Variants in PLEC observed in about 807,000 individuals in gnomAD.
PLEC encodes hemidesmosomal protein 1.
Under a neutral mutation model 392.8 loss-of-function variants are expected in PLEC, and 216 were observed. That is an observed-to-expected ratio of 0.55 (90% CI 0.49 to 0.62). PLEC has a LOEUF of 0.62. PLEC is among the 20% of genes least tolerant of loss of function. The pLI is 0.00. For missense variants in PLEC, 6,863 were observed against 6,563.4 expected (o/e 1.05, Z -1.58); for synonymous variants, 3,621 against 2,980.6 (o/e 1.21, Z -7.00).
At chr8:143,936,756 G>A (rs1348929447) in intron 5 of PLEC, among the ~76,000 whole-genome samples, 3 of 152,222 alleles carry the variant, frequency 2.0e-5, no homozygotes, top group African/African-American at 7.2e-5. Context: ...AGGGCCAGAG[G>A]GCACGGATAG....
At position 143,929,295 on chromosome 8, in the gene PLEC, G is replaced by A. The variant is rs781791786; in HGVS notation, c.3082-14C>T. Reference sequence around the variant, plus strand: ...TGCCTGTGCCTTCTGCAAAGACAGGGAGTGGGAACGCACTCATCACCGAGC... The same window carrying A: ...TGCCTGTGCCTTCTGCAAAGACAGGAAGTGGGAACGCACTCATCACCGAGC... On this transcript the variant is annotated splice_polypyrimidine_tract_variant and intron_variant, in intron 24 of 31. Coordinates refer to ENST00000345136, the MANE Select transcript of PLEC (RefSeq NM_201384.3). The A allele has an allele frequency of 1.9e-6, 3 of 1,599,098 alleles. No individual in the cohort carries two copies. Among genetic ancestry groups the A allele is most frequent in the Non-Finnish European group, 2.5e-6 (3 of 1,179,352 alleles).
chr8:143,956,095 G>A (rs1213339182), upstream of PLEC, among the ~76,000 whole-genome samples: 1 of 151,928 alleles, frequency 6.6e-6, no homozygotes, highest in Non-Finnish European at 1.5e-5. Context: ...CTACGGATGT[G>A]TGCCACCGCA....
chr8:143,975,395 G>T, upstream of PLEC: 1 of 1,596,544 alleles, frequency 6.3e-7, no homozygotes, highest in Non-Finnish European at 8.5e-7. The surrounding 1 kb of genome is among the most constrained non-coding windows in gnomAD (Gnocchi z 9.9). Context: ...GAGCAGGAGG[G>T]GTCACATCTC....
chr8:143,933,136 G>C, intron 13 of PLEC, 25 bp from the exon 14 acceptor site: 1 of 1,604,246 alleles, frequency 6.2e-7, no homozygotes. Flanking sequence ...GACTCAGGTA[G>C]GTGTTGGCGG....
chr8:143,969,421 T>C lies in PLEC; in HGVS notation c.70+3982A>G. 6.6e-6 allele frequency among the ~76,000 whole-genome samples: 1 copy of C among 152,228 alleles called. No individual in the cohort carries two copies. The highest frequency in any genetic ancestry group is 1.5e-5 in the Non-Finnish European group (1 of 68,036). Reference sequence around the variant, plus strand: ...TGGGAGAGGCCTCCGTGCTGAGGGCTGTGGGCTGGTGACTTAGACAGTCGG... The same window carrying C: ...TGGGAGAGGCCTCCGTGCTGAGGGCCGTGGGCTGGTGACTTAGACAGTCGG... On this transcript the variant is annotated intron_variant, in intron 1 of 31. Transcript: ENST00000356346. This position sits in a 1 kb window ranked among gnomAD's most constrained non-coding sequence, Gnocchi z 5.1.
chr8:143,928,103 A>C, intron 25 of PLEC, 111 bp from the exon 26 acceptor site: 1 of 1,348,824 alleles, frequency 7.4e-7, no homozygotes. Context: ...CCCAGACCCA[A>C]CCCTGGGGGT....
exon 1 of PLEC, chr8:143,950,684 G>C: frequency 2.5e-6 from 4 of 1,571,048 alleles, no homozygotes; most frequent in Non-Finnish European, 1.7e-6. Context: ...CTGGTCCCGT[G>C]GCATGAGCAT....
intron 3 of PLEC, among the ~76,000 whole-genome samples, 182 bp from the exon 4 acceptor site, chr8:143,937,424 G>A (rs1367647930): frequency 6.6e-6 from 1 of 152,192 alleles, no homozygotes; most frequent in Non-Finnish European, 1.5e-5. Flanking sequence ...GCCAGGCCAG[G>A]CCCATCAGGG....
Position 143,924,960 on chromosome 8 carries a change from G to A in PLEC, c.4969C>T (p.Leu1657=), listed in dbSNP as rs782048416. 67 of 1,580,500 alleles carry A rather than the reference G, an allele frequency of 4.2e-5. No individual in the cohort carries two copies. The highest frequency in any genetic ancestry group is 5.3e-5 in the Non-Finnish European group (62 of 1,171,618). ...QAEEVAQQKS[L]AQAEAEKQKE... The stretch of plus-strand genomic sequence containing the variant: ...TGCTTCTCAGCCTCGGCCTGCGCCA[G>A]GCTCTTCTGCTGCGCCACCTCCTCC... Residue 1657 remains leucine (L), a synonymous_variant, in exon 31 of 32, where the codon CTG becomes TTG. Coordinates refer to ENST00000345136, the MANE Select transcript of PLEC (RefSeq NM_201384.3).
Position 143,939,422 on chromosome 8 carries a change from G to A in PLEC, c.40C>T (p.Leu14=), listed in dbSNP as rs1554726699. 3 of 1,612,498 alleles carry A rather than the reference G, an allele frequency of 1.9e-6. No homozygotes were observed. Among genetic ancestry groups the A allele is most frequent in the Non-Finnish European group, 2.5e-6 (3 of 1,179,776 alleles). Residue 14 remains leucine, a synonymous_variant, in exon 1 of 32, where the codon CTG becomes TTG. Transcript: ENST00000345136. ...HQLRVPQPEG[L]GRKRTSSEDN... ...TCCGAGCTGGTTCTCTTTCGGCCCA[G>A]GCCCTCGGGCTGCGGCACGCGGAGC...
In PLEC at chr8:143,950,361, C is replaced by T. The variant is rs1258616356; in HGVS notation, c.346G>A (p.Val116Met). Residue 116 changes from valine (V) to methionine (M), a missense_variant, in exon 1 of 32, where the codon GTG becomes ATG. Val to Met is a conservative substitution (Grantham distance 21). Coordinates refer to the PLEC transcript ENST00000322810. ...CCCAGGGGACCCTGCACAGCCTGCA[C>T]GTGGGGGGTGCGGCGTGCGGGCATC... is the stretch of plus-strand genomic sequence containing the variant. The T allele has an allele frequency of 1.1e-5, 17 of 1,588,898 alleles. No homozygotes were observed. In the East Asian group the frequency reaches 1.1e-4, roughly 11 times the overall value.
At position 143,923,850 on chromosome 8, in the gene PLEC, G is replaced by A. The variant is rs368550010; in HGVS notation, c.6079C>T (p.Arg2027Ter). Reference sequence around the variant, plus strand: ...TGCCGCGCCGACTCCTGCTCCGCTCGCTCCCGCAGGCGCCGCGCCTCCTCC... The same window carrying A: ...TGCCGCGCCGACTCCTGCTCCGCTCACTCCCGCAGGCGCCGCGCCTCCTCC... ...KVEEARRLRE[R>*]AEQESARQLQ... is the part of the protein sequence containing the mutation. The change falls in exon 31 of 32, where the codon CGA becomes TGA. Residue 2027 changes from arginine to a stop codon, truncating the protein, a stop_gained. Coordinates refer to ENST00000345136, the MANE Select transcript of PLEC (RefSeq NM_201384.3). LOFTEE classifies it high-confidence loss of function. 3.8e-6 allele frequency: 6 copies of A among 1,589,212 alleles called. No homozygotes were observed. Among genetic ancestry groups the A allele is most frequent in the South Asian group, 1.1e-5 (1 of 89,742 alleles).
chr8:143,918,113 A>G lies in PLEC; in HGVS notation c.11708T>C (p.Met3903Thr), dbSNP rs1554674005. 4 of 1,598,550 alleles carry G rather than the reference A, an allele frequency of 2.5e-6. No individual in the cohort carries two copies. The highest frequency in any genetic ancestry group is 2.2e-5 in the East Asian group (1 of 44,702). Reference sequence around the variant, plus strand: ...CAGCTGCAGCGCCGTGGCCTCGTCCATGACCTGCGAGCGCACCAGCTCCTC... The same window carrying G: ...CAGCTGCAGCGCCGTGGCCTCGTCCGTGACCTGCGAGCGCACCAGCTCCTC... ...TMEELVRSQVMDEATALQLRE... is the reference protein window; with the variant it reads ...TMEELVRSQVTDEATALQLRE... Residue 3903 changes from methionine to threonine, a missense_variant, in exon 32 of 32, where the codon ATG (methionine) becomes ACG (threonine). Coordinates refer to ENST00000345136, the MANE Select transcript of PLEC (RefSeq NM_201384.3).
Position 143,923,365 on chromosome 8 carries a change from C to T in PLEC, c.6564G>A (p.Leu2188=), listed in dbSNP as rs782136303. The change falls in exon 31 of 32, where the codon CTG becomes CTA. Residue 2188 remains leucine (L), a synonymous_variant. Coordinates refer to ENST00000345136, the MANE Select transcript of PLEC (RefSeq NM_201384.3). ...LRQKAQVEQE[L]TTLRLQLEET... is the part of the protein sequence containing the mutation. ...CCTCCAGCTGCAGCCGCAGTGTTGT[C>T]AGCTCCTGCTCCACCTGCGCCTTCT... 1.1e-5 allele frequency: 18 copies of T among 1,610,444 alleles called. No homozygotes were observed. The highest frequency in any genetic ancestry group is 2.7e-5 in the African/African-American group (2 of 74,886).
intron 11 of PLEC, 102 bp from the exon 12 acceptor site, chr8:143,934,193 C>T: frequency 6.3e-7 from 1 of 1,588,584 alleles, no homozygotes; most frequent in Non-Finnish European, 8.6e-7. Context: ...TGGCTGTGGC[C>T]CACTGTCCTA....
At chr8:143,932,363 G>C in intron 16 of PLEC, 37 bp downstream of exon 16, 1 of 1,611,206 alleles carries the variant, frequency 6.2e-7, no homozygotes, top group Non-Finnish European at 8.5e-7. Context: ...GCTGGGGAGG[G>C]GGCTGTGGGG....
intron 5 of PLEC, 36 bp downstream of exon 5, chr8:143,936,943 T>C (rs782301430): frequency 4.0e-6 from 6 of 1,516,084 alleles, no homozygotes; most frequent in Non-Finnish European, 5.5e-6. Context: ...TGGAAACTCC[T>C]GCAGGGGGTG....
chr8:143,953,923 G>A, upstream of PLEC: 2 of 1,424,870 alleles, frequency 1.4e-6, no homozygotes, highest in Admixed American at 2.9e-5. Context: ...TGATCAATGC[G>A]CCGGACAGGG....
Position 143,927,045 on chromosome 8 carries a change from G to A in PLEC, c.3877C>T (p.Leu1293Phe), listed in dbSNP as rs782753576. The A allele has an allele frequency of 5.6e-6, 9 of 1,612,112 alleles. No homozygotes were observed. The highest frequency in any genetic ancestry group is 7.6e-6 in the Non-Finnish European group (9 of 1,180,008). The change falls in exon 29 of 32, where the codon CTT becomes TTT. Residue 1293 changes from leucine (L) to phenylalanine (F), a missense_variant. Coordinates refer to ENST00000345136, the MANE Select transcript of PLEC (RefSeq NM_201384.3). ...ELQLVTYKAQ[L>F]EPVASPAKKP... is the part of the protein sequence containing the mutation. The stretch of plus-strand genomic sequence containing the variant: ...TTGGCCGGGGAGGCCACCGGCTCAA[G>A]CTGCGCCTTGTACGTCACCAGCTGG...
Sources: gnomAD v4.1 joint callset for allele counts (sites outside exome capture counted in the v4.1 genomes callset) on GRCh38, gnomAD v4.1.1 for gene constraint, Gnocchi (gnomAD v3.1) non-coding constraint, MANE v1.5 for transcripts, NCBI Gene and HGNC (gene_info 2026-07-23, HGNC 2026-07-21) for gene names.